The following EPO variants were observed in gnomAD, a reference collection of about 807,000 sequenced individuals.
The protein encoded by EPO is epoetin.
Under a neutral mutation model 24.4 loss-of-function variants are expected in EPO, and 12 were observed. The observed-to-expected ratio is 0.49, with a 90% CI of 0.32 to 0.80. The LOEUF is 0.80. Among genes scored for constraint, EPO ranks in the 30% least tolerant of loss-of-function variants. EPO has a pLI of 0.04. For missense variants in EPO, 210 were observed against 238.0 expected, an observed-to-expected ratio of 0.88 and a Z score of 0.77; for synonymous variants, 107 against 104.0, an observed-to-expected ratio of 1.03 and a Z score of -0.18.
rs988282604 is a variant in EPO at position 100,722,789 on chromosome 7, A to G, written c.372A>G (p.Lys124=). The change falls in exon 4 of 5, where the codon AAA becomes AAG. Residue 124 remains lysine (K), a synonymous_variant. Transcript: ENST00000252723. ...PWEPLQLHVD[K]AVSGLRSLTT... is the part of the protein sequence containing the mutation. ...AGCCCCTGCAGCTGCATGTGGATAA[A>G]GCCGTCAGTGGCCTTCGCAGCCTCA... The G allele has an allele frequency of 1.2e-6, 2 of 1,614,060 alleles. No individual in the cohort carries two copies. The highest frequency in any genetic ancestry group is 3.3e-5 in the Admixed American group (2 of 60,002).
At position 100,722,053 on chromosome 7, in the gene EPO, GT is replaced by G; in HGVS notation, c.246+7del. The G allele has an allele frequency of 6.6e-7, 1 of 1,519,180 alleles. No homozygotes were observed. Among genetic ancestry groups the G allele is most frequent in the Non-Finnish European group, 8.9e-7 (1 of 1,119,448 alleles). 94.1% of individuals were successfully genotyped at this position (1,519,180 alleles called of 1,614,324 possible). On this transcript the variant is annotated splice_donor_region_variant and intron_variant, in intron 3 of 4. Coordinates refer to ENST00000252723, the MANE Select transcript of EPO (RefSeq NM_000799.4). The stretch of plus-strand genomic sequence containing the variant: ...TATGCCTGGAAGAGGATGGAGGTGA[GT>G]TCCTTTTTTTTTTTTTTTCCTTTCT...
Position 100,721,569 on chromosome 7 carries a change from T to C in EPO, c.25T>C (p.Trp9Arg), listed in dbSNP as rs1562901366. ...GCTATCTGTTCTAGAATGTCCTGCC[T>C]GGCTGTGGCTTCTCCTGTCCCTGCT... MGVHECPAWLWLLLSLLSL... is the reference protein window; with the variant it reads MGVHECPARLWLLLSLLSL... The change falls in exon 2 of 5, where the codon TGG (tryptophan) becomes CGG (arginine). Residue 9 changes from tryptophan to arginine, a missense_variant. Coordinates refer to ENST00000252723, the MANE Select transcript of EPO (RefSeq NM_000799.4). The surrounding 1 kb of genome is among the most constrained non-coding windows in gnomAD (Gnocchi z 4.0). The C allele has an allele frequency of 6.2e-7, 1 of 1,614,048 alleles. No homozygotes were observed. The highest frequency in any genetic ancestry group is 8.5e-7 in the Non-Finnish European group (1 of 1,180,008).
chr7:100,721,841 C>T lies in EPO; in HGVS notation c.160-121C>T. ...ACTGCCCCCCTACATAAGAATAAGT[C>T]TGGTGGCCCCAAACCATACCTGGAA... On this transcript the variant is annotated intron_variant, in intron 2 of 4. Transcript: ENST00000252723. This position sits in a 1 kb window ranked among gnomAD's most constrained non-coding sequence, Gnocchi z 4.0. 3 of 1,502,190 alleles carry T rather than the reference C, an allele frequency of 2.0e-6. No individual in the cohort carries two copies. Among genetic ancestry groups the T allele is most frequent in the Admixed American group, 2.1e-5 (1 of 46,572 alleles). The allele number at this position is 1,502,190 out of a possible 1,614,324, so 93.1% of individuals were successfully genotyped here.
chr7:100,723,153 C>T lies in EPO; in HGVS notation c.*20C>T. On this transcript the variant is annotated 3_prime_UTR_variant, in exon 5 of 5. Transcript: ENST00000252723. ...AGATGACCAGGTGTGTCCACCTGGGCATATCCACCACCTCCCTCACCAACA... is the reference window on the plus strand; with the variant it reads ...AGATGACCAGGTGTGTCCACCTGGGTATATCCACCACCTCCCTCACCAACA... The T allele has an allele frequency of 6.2e-7, 1 of 1,606,534 alleles. No homozygotes were observed. Among genetic ancestry groups the T allele is most frequent in the South Asian group, 1.1e-5 (1 of 89,960 alleles).
chr7:100,722,949 G>C, intron 4 of EPO, 29 bp from the exon 5 acceptor site: 4 of 1,612,720 alleles, frequency 2.5e-6, no homozygotes, highest in Non-Finnish European at 3.4e-6. Context: ...CTGTGGCACT[G>C]CAGCGACCTC....
At position 100,721,820 on chromosome 7, in the gene EPO, C is replaced by A; in HGVS notation, c.159+117C>A. ...GGTGGAGTTGGGAAGCTAGACACTG[C>A]CCCCCTACATAAGAATAAGTCTGGT... On this transcript the variant is annotated intron_variant, in intron 2 of 4. Coordinates refer to ENST00000252723, the MANE Select transcript of EPO (RefSeq NM_000799.4). The surrounding 1 kb of genome is among the most constrained non-coding windows in gnomAD (Gnocchi z 4.0). The A allele has an allele frequency of 6.7e-7, 1 of 1,494,266 alleles. No homozygotes were observed. The highest frequency in any genetic ancestry group is 9.0e-7 in the Non-Finnish European group (1 of 1,113,656). 92.6% of individuals were successfully genotyped at this position (1,494,266 alleles called of 1,614,324 possible). A position where few individuals can be genotyped will look rare whatever the true frequency, so the allele number is the denominator to read the frequency against.
chr7:100,722,531 A>G, intron 3 of EPO, 133 bp from the exon 4 acceptor site: 1 of 646,576 alleles, frequency 1.5e-6, no homozygotes, highest in Non-Finnish European at 2.7e-6. Flanking sequence ...TCACTCACTC[A>G]TTCATTCATT....
chr7:100,721,526 C>G lies in EPO; in HGVS notation c.14-32C>G, dbSNP rs367727871. ...TTCCACAGCCACCCTTCTCCCTCCC[C>G]GCCTGACTCTCAGCCTGGCTATCTG... On this transcript the variant is annotated intron_variant, in intron 1 of 4. Coordinates refer to ENST00000252723, the MANE Select transcript of EPO (RefSeq NM_000799.4). The surrounding 1 kb of genome is among the most constrained non-coding windows in gnomAD (Gnocchi z 4.0). 6 of 1,607,004 alleles carry G rather than the reference C, an allele frequency of 3.7e-6. No individual in the cohort carries two copies. In the East Asian group the frequency reaches 6.7e-5, roughly 18 times the overall value.
rs1025595504 is a variant in EPO at position 100,721,394 on chromosome 7, G to A, written c.14-164G>A. Among the ~76,000 whole-genome samples the A allele has an allele frequency of 2.6e-5, 4 of 152,308 alleles. No homozygotes were observed. Among genetic ancestry groups the A allele is most frequent in the Middle Eastern group, 3.4e-3 (1 of 294 alleles). On this transcript the variant is annotated intron_variant, in intron 1 of 4. Coordinates refer to ENST00000252723, the MANE Select transcript of EPO (RefSeq NM_000799.4). This position sits in a 1 kb window ranked among gnomAD's most constrained non-coding sequence, Gnocchi z 4.0. ...GTAGCTGGGGGTGGGGTGTGCACAC[G>A]GCAGCAGGATTGAATGAAGGCCAGG... is the stretch of plus-strand genomic sequence containing the variant.
In EPO at chr7:100,721,270, G is replaced by A. The variant is rs1444612957; in HGVS notation, c.13+277G>A. On this transcript the variant is annotated intron_variant, in intron 1 of 4. Transcript: ENST00000252723. This position sits in a 1 kb window ranked among gnomAD's most constrained non-coding sequence, Gnocchi z 4.0. ...CTGCTGTGCCAGTGGAGAGGAAGCTGATAAGCTGATAACCTGGGCGCTGGA... is the reference window on the plus strand; with the variant it reads ...CTGCTGTGCCAGTGGAGAGGAAGCTAATAAGCTGATAACCTGGGCGCTGGA... 6.6e-6 allele frequency among the ~76,000 whole-genome samples: 1 copy of A among 152,170 alleles called. No homozygotes were observed. Among genetic ancestry groups the A allele is most frequent in the Non-Finnish European group, 1.5e-5 (1 of 68,032 alleles).
rs1425480396 is a variant in EPO, at chr7:100,721,664, G to C, written c.120G>C (p.Glu40Asp). 1 of 1,613,026 alleles carries C rather than the reference G, an allele frequency of 6.2e-7. No individual in the cohort carries two copies. The highest frequency in any genetic ancestry group is 8.5e-7 in the Non-Finnish European group (1 of 1,180,010). Residue 40 changes from glutamate to aspartate, a missense_variant, in exon 2 of 5, where the codon GAG becomes GAC. Transcript: ENST00000252723. This position sits in a 1 kb window ranked among gnomAD's most constrained non-coding sequence, Gnocchi z 4.0. ...PRLICDSRVL[E>D]RYLLEAKEAE... ...TCATCTGTGACAGCCGAGTCCTGGA[G>C]AGGTACCTCTTGGAGGCCAAGGAGG...
Position 100,722,838 on chromosome 7 carries a change from G to T in EPO, c.421G>T (p.Ala141Ser). 6.2e-7 allele frequency: 1 copy of T among 1,612,928 alleles called. No homozygotes were observed. The highest frequency in any genetic ancestry group is 8.5e-7 in the Non-Finnish European group (1 of 1,179,684). ...SLTTLLRALGAQKEAISPPDA... is the reference protein window; with the variant it reads ...SLTTLLRALGSQKEAISPPDA... Reference sequence around the variant, plus strand: ...CACCACTCTGCTTCGGGCTCTGGGAGCCCAGGTGAGTAGGAGCGGACACTT... The same window carrying T: ...CACCACTCTGCTTCGGGCTCTGGGATCCCAGGTGAGTAGGAGCGGACACTT... Residue 141 changes from alanine to serine, a missense_variant, in exon 4 of 5, where the codon GCC becomes TCC. Transcript: ENST00000252723.
chr7:100,720,667 A>T lies in EPO; in HGVS notation c.-314A>T, dbSNP rs897316121. Reference sequence around the variant, plus strand: ...TGGCCCCTACCCCTGGCGACCCCTCACGCACACAGCCTCTCCCCCACCCCC... The same window carrying T: ...TGGCCCCTACCCCTGGCGACCCCTCTCGCACACAGCCTCTCCCCCACCCCC... On this transcript the variant is annotated 5_prime_UTR_variant, in exon 1 of 5. Coordinates refer to ENST00000252723, the MANE Select transcript of EPO (RefSeq NM_000799.4). 3.4e-6 allele frequency: 1 copy of T among 296,240 alleles called. No individual in the cohort carries two copies. Among genetic ancestry groups the T allele is most frequent in the African/African-American group, 2.3e-5 (1 of 44,006 alleles). The allele number at this position is 296,240 out of a possible 1,614,324, so 18.4% of individuals were successfully genotyped here.
chr7:100,723,256 G>T lies in EPO; in HGVS notation c.*123G>T. ...CAGCTCAGCGCCAGCCTGTCCCATG[G>T]ACACTCCAGTGCCAGCAATGACATC... On this transcript the variant is annotated 3_prime_UTR_variant, in exon 5 of 5. Coordinates refer to ENST00000252723, the MANE Select transcript of EPO (RefSeq NM_000799.4). 3 of 1,156,020 alleles carry T rather than the reference G, an allele frequency of 2.6e-6. No homozygotes were observed. The highest frequency in any genetic ancestry group is 5.4e-4 in the Middle Eastern group (2 of 3,688). 71.6% of individuals were successfully genotyped at this position (1,156,020 alleles called of 1,614,324 possible).
chr7:100,723,301 TC>T lies in EPO; in HGVS notation c.*170del. 1 of 757,478 alleles carries T rather than the reference TC, an allele frequency of 1.3e-6. No homozygotes were observed. The highest frequency in any genetic ancestry group is 2.1e-6 in the Non-Finnish European group (1 of 481,578). 46.9% of individuals were successfully genotyped at this position (757,478 alleles called of 1,614,324 possible). On this transcript the variant is annotated 3_prime_UTR_variant, in exon 5 of 5. Transcript: ENST00000252723. Reference sequence around the variant, plus strand: ...GACATCTCAGGGGCCAGAGGAACTGTCCAGAGAGCAACTCTGAGATCTAAGG... The same window carrying T: ...GACATCTCAGGGGCCAGAGGAACTGTCAGAGAGCAACTCTGAGATCTAAGG...
rs1175465827 is a variant in EPO, at chr7:100,721,078, T to G, written c.13+85T>G. The G allele has an allele frequency of 8.2e-6, 10 of 1,218,848 alleles. No homozygotes were observed. Among genetic ancestry groups the G allele is most frequent in the Admixed American group, 6.0e-5 (2 of 33,586 alleles). 75.5% of individuals were successfully genotyped at this position (1,218,848 alleles called of 1,614,324 possible). A position where few individuals can be genotyped will look rare whatever the true frequency, so the allele number is the denominator to read the frequency against. ...AGCGCCCCGGCTATTGGCCAGGAGGTGGCTGGGTTCAAGGACCGGCGACTT... is the reference window on the plus strand; with the variant it reads ...AGCGCCCCGGCTATTGGCCAGGAGGGGGCTGGGTTCAAGGACCGGCGACTT... On this transcript the variant is annotated intron_variant, in intron 1 of 4. Transcript: ENST00000252723. The surrounding 1 kb of genome is among the most constrained non-coding windows in gnomAD (Gnocchi z 4.0).
In EPO at chr7:100,721,973, T is replaced by C. The variant is rs61735970; in HGVS notation, c.171T>C (p.Ala57=). 1,208 of 1,611,410 alleles carry C rather than the reference T, an allele frequency of 7.5e-4. 1 individual carries two copies. The highest frequency in any genetic ancestry group is 9.7e-4 in the Non-Finnish European group (1,141 of 1,179,426). Residue 57 remains alanine (A), a synonymous_variant, in exon 3 of 5, where the codon GCT becomes GCC. Transcript: ENST00000252723. This position sits in a 1 kb window ranked among gnomAD's most constrained non-coding sequence, Gnocchi z 4.0. ...TGTGTGCATTTCAGACGGGCTGTGC[T>C]GAACACTGCAGCTTGAATGAGAATA... The part of the protein sequence containing the change: ...KEAENITTGC[A]EHCSLNENIT...
chr7:100,721,481 G>A lies in EPO; in HGVS notation c.14-77G>A. On this transcript the variant is annotated intron_variant, in intron 1 of 4. Coordinates refer to ENST00000252723, the MANE Select transcript of EPO (RefSeq NM_000799.4). This position sits in a 1 kb window ranked among gnomAD's most constrained non-coding sequence, Gnocchi z 4.0. ...GAAGGACGAGCTGGGGCAGAGACGT[G>A]GGGATGAAGGAAGCTGTCCTTCCAC... 1.9e-6 allele frequency: 3 copies of A among 1,553,172 alleles called. No homozygotes were observed. Among genetic ancestry groups the A allele is most frequent in the Non-Finnish European group, 2.6e-6 (3 of 1,145,496 alleles).
In EPO at chr7:100,720,886, C is replaced by T. The variant is rs1806728850; in HGVS notation, c.-95C>T. The T allele has an allele frequency of 7.2e-7, 1 of 1,397,162 alleles. No homozygotes were observed. Among genetic ancestry groups the T allele is most frequent in the Non-Finnish European group, 9.4e-7 (1 of 1,069,274 alleles). 86.5% of individuals were successfully genotyped at this position (1,397,162 alleles called of 1,614,324 possible). A position where few individuals can be genotyped will look rare whatever the true frequency, so the allele number is the denominator to read the frequency against. On this transcript the variant is annotated 5_prime_UTR_variant, in exon 1 of 5. Coordinates refer to ENST00000252723, the MANE Select transcript of EPO (RefSeq NM_000799.4). The stretch of plus-strand genomic sequence containing the variant: ...CGCCCTCTCCTCCAGGCCCGTGGGG[C>T]TGGCCCTGCACCGCCGAGCTTCCCG...
Sources: gnomAD v4.1 joint callset for allele counts (sites outside exome capture counted in the v4.1 genomes callset) on GRCh38, gnomAD v4.1.1 for gene constraint, Gnocchi (gnomAD v3.1) non-coding constraint, MANE v1.5 for transcripts, NCBI Gene and HGNC (gene_info 2026-07-23, HGNC 2026-07-21) for gene names.